PCDHGA1: variants seen among roughly 807,000 people sequenced by gnomAD.
PCDHGA1 encodes protocadherin gamma-A1.
PCDHGA1 carries 32 observed loss-of-function variants against 58.0 expected under a neutral mutation model. The ratio of observed to expected loss-of-function variants is 0.55; its 90% CI spans 0.42 to 0.74. The LOEUF is 0.74. PCDHGA1 is among the 30% of genes least tolerant of loss of function. PCDHGA1 has a pLI of 0.00. For missense variants in PCDHGA1, 1,205 were observed against 1,182.3 expected, an observed-to-expected ratio of 1.02 and a Z score of -0.28; for synonymous variants, 498 against 501.1, an observed-to-expected ratio of 0.99 and a Z score of 0.08.
intron 1 of PCDHGA1, chr5:141,402,899 G>A: frequency 6.6e-7 from 1 of 1,516,814 alleles, no homozygotes; most frequent in Non-Finnish European, 8.8e-7. Context: ...GAAAGAACCT[G>A]ATGAAGCAGC....
intron 1 of PCDHGA1, chr5:141,422,118 ACAAACTGGAGAAGTT>A (rs1243312753): frequency 6.2e-7 from 1 of 1,604,312 alleles, no homozygotes; most frequent in Non-Finnish European, 8.5e-7. Flanking sequence ...AATTGGATTC[ACAAACTGGAGAAGTT>A]CAAGTACGGG....
At chr5:141,502,056 C>A (rs1163976282) in intron 2 of PCDHGA1, among the ~76,000 whole-genome samples, 1 of 152,116 alleles carries the variant, frequency 6.6e-6, no homozygotes, top group Non-Finnish European at 1.5e-5. Context: ...CTACTTTATT[C>A]CCATTAGCCC....
intron 1 of PCDHGA1, chr5:141,372,361 C>A (rs1227917364): frequency 6.2e-7 from 1 of 1,613,952 alleles, no homozygotes; most frequent in South Asian, 1.1e-5. Context: ...CCTCTTTCAG[C>A]CACCGTCATG....
Position 141,415,748 on chromosome 5 carries a change from T to G in PCDHGA1, c.2422-79059T>G, listed in dbSNP as rs1345423849. On this transcript the variant is annotated intron_variant, in intron 1 of 3. Transcript: ENST00000517417. ...ATTTGATGTTTATTAAGGTTTTTTT[T>G]TTTTTTTTTTTTTTTTTTTTTTTTA... is the stretch of plus-strand genomic sequence containing the variant. 87 of 1,008,904 alleles carry G rather than the reference T, an allele frequency of 8.6e-5. No individual in the cohort carries two copies. The Middle Eastern group carries it at 1.2e-3, about 13-fold the overall frequency. 62.5% of individuals were successfully genotyped at this position (1,008,904 alleles called of 1,614,324 possible).
Position 141,432,403 on chromosome 5 carries a change from G to A in PCDHGA1, c.2422-62404G>A, listed in dbSNP as rs1279890312. The A allele has an allele frequency of 6.2e-7, 1 of 1,614,242 alleles. No homozygotes were observed. The highest frequency in any genetic ancestry group is 8.5e-7 in the Non-Finnish European group (1 of 1,180,052). On this transcript the variant is annotated intron_variant, in intron 1 of 3. Coordinates refer to ENST00000517417, the MANE Select transcript of PCDHGA1 (RefSeq NM_018912.3). The surrounding 1 kb of genome is among the most constrained non-coding windows in gnomAD (Gnocchi z 6.0). ...CGCCCCTCAGCAGCAACGTGTCGTT[G>A]AGCCTGTTCGTGCTGGACCAGAACG...
chr5:141,418,498 C>T (rs181453589), intron 1 of PCDHGA1: 10 of 1,613,968 alleles, frequency 6.2e-6, no homozygotes, highest in East Asian at 2.2e-5. Context: ...TGGTACTGAC[C>T]GCCTTAGATG....
chr5:141,481,736 G>A (rs569415213), intron 1 of PCDHGA1, among the ~76,000 whole-genome samples: 23 of 151,934 alleles, frequency 1.5e-4, no homozygotes, highest in African/African-American at 4.3e-4. Flanking sequence ...GGCGGATCAC[G>A]AGGTCAGGAG....
intron 1 of PCDHGA1, chr5:141,399,995 G>T (rs1042095164): frequency 1.9e-6 from 3 of 1,612,094 alleles, no homozygotes; most frequent in Non-Finnish European, 2.5e-6. Context: ...GGAGAGGTGC[G>T]CACAGCGCGT....
chr5:141,376,474 A>G, intron 1 of PCDHGA1: 5 of 1,614,136 alleles, frequency 3.1e-6, no homozygotes, highest in Non-Finnish European at 3.4e-6. Context: ...CTCAGGATTT[A>G]CTTGAAACGA....
rs767425379 is a variant in PCDHGA1, at chr5:141,403,635, T to C, written c.2421+70530T>C. 1.1e-5 allele frequency: 18 copies of C among 1,613,902 alleles called. No individual in the cohort carries two copies. The South Asian group carries it at 1.8e-4, about 16-fold the overall frequency. On this transcript the variant is annotated intron_variant, in intron 1 of 3. Transcript: ENST00000517417. ...CCGCGTCGCTCCAGCACAGTGCGCA[T>C]CCATGTGACAGTGTTGGATACAAAT... is the stretch of plus-strand genomic sequence containing the variant.
Position 141,458,657 on chromosome 5 carries a change from C to T in PCDHGA1, c.2422-36150C>T, listed in dbSNP as rs1214452360. On this transcript the variant is annotated intron_variant, in intron 1 of 3. Coordinates refer to ENST00000517417, the MANE Select transcript of PCDHGA1 (RefSeq NM_018912.3). ...CAATCCCAGCTCACTGCAACCTCCA[C>T]CTCTCGGGTTCAAGCAATTCTACTG... Among the ~76,000 whole-genome samples, 6 of 152,276 alleles carry T rather than the reference C, an allele frequency of 3.9e-5. No homozygotes were observed. In the East Asian group the frequency reaches 9.6e-4, roughly 24 times the overall value.
intron 1 of PCDHGA1, among the ~76,000 whole-genome samples, chr5:141,465,545 C>T (rs2099105349): frequency 6.6e-6 from 1 of 152,146 alleles, no homozygotes; most frequent in South Asian, 2.1e-4. Context: ...GGCATTTTTT[C>T]TGCTGAAGCT....
Position 141,410,405 on chromosome 5 carries a change from T to C in PCDHGA1, c.2421+77300T>C, listed in dbSNP as rs777544150. ...CTTCCATCCTGGTCTCTGTGTCAAGTCTGGACCTGTAGTTCCCCCCAACTA... is the reference window on the plus strand; with the variant it reads ...CTTCCATCCTGGTCTCTGTGTCAAGCCTGGACCTGTAGTTCCCCCCAACTA... On this transcript the variant is annotated intron_variant, in intron 1 of 3. Transcript: ENST00000517417. 2.2e-5 allele frequency: 35 copies of C among 1,613,948 alleles called. 1 individual carries two copies. In the East Asian group the frequency reaches 7.8e-4, roughly 36 times the overall value.
chr5:141,400,502 A>C, intron 1 of PCDHGA1: 1 of 1,614,020 alleles, frequency 6.2e-7, no homozygotes, highest in Non-Finnish European at 8.5e-7. Flanking sequence ...AATTCCAGCG[A>C]GTCGACTTCC....
chr5:141,384,726 T>C (rs1561604051), intron 1 of PCDHGA1: 3 of 1,613,886 alleles, frequency 1.9e-6, no homozygotes. Flanking sequence ...ACCTCCTGCT[T>C]AAGGCCAGCG....
intron 1 of PCDHGA1, chr5:141,468,629 G>A (rs1170355107): frequency 1.3e-5 from 2 of 152,140 alleles, no homozygotes; most frequent in African/African-American, 4.8e-5. Flanking sequence ...CACTTTGGGA[G>A]GCCGAGGTGG....
chr5:141,421,160 A>T, intron 1 of PCDHGA1: 1 of 1,250,104 alleles, frequency 8.0e-7, no homozygotes, highest in Non-Finnish European at 1.1e-6. Flanking sequence ...CTAGGACTTC[A>T]TAGATACATA....
chr5:141,495,221 G>A lies in PCDHGA1; in HGVS notation c.2480+356G>A, dbSNP rs376660961. On this transcript the variant is annotated intron_variant, in intron 2 of 3. Coordinates refer to ENST00000517417, the MANE Select transcript of PCDHGA1 (RefSeq NM_018912.3). ...ACTGCCTAACCCCCTCCCCTGAGTT[G>A]AGCTGGGCTCCATTATGACCTGGGG... Among the ~76,000 whole-genome samples, 26 of 152,300 alleles carry A rather than the reference G, an allele frequency of 1.7e-4. 1 individual carries two copies. The East Asian group carries it at 4.4e-3, about 26-fold the overall frequency.
intron 1 of PCDHGA1, chr5:141,364,702 C>G (rs1763490824): frequency 1.2e-6 from 2 of 1,613,922 alleles, no homozygotes; most frequent in East Asian, 2.2e-5. Flanking sequence ...TAGAAATAAT[C>G]GATATTAATG....
Sources: allele counts gnomAD v4.1 joint callset (sites outside exome capture counted in the v4.1 genomes callset), GRCh38; gene constraint gnomAD v4.1.1; non-coding constraint Gnocchi (gnomAD v3.1); transcripts MANE v1.5; gene names NCBI Gene and HGNC (gene_info 2026-07-23, HGNC 2026-07-21).